HDAC9: variants seen among roughly 807,000 people sequenced by gnomAD.
HDAC9 encodes MEF-2 interacting transcription repressor (MITR) protein.
Under a neutral mutation model 139.4 loss-of-function variants are expected in HDAC9, and 41 were observed. The observed-to-expected ratio is 0.29, with a 90% confidence interval of 0.23 to 0.38. The LOEUF is 0.38. Ranked by LOEUF, HDAC9 falls within the 10% of genes least tolerant of loss-of-function variation. The pLI is 1.00. For synonymous variants in HDAC9, 517 were observed against 476.2 expected (o/e 1.09, Z -1.12); for missense variants, 1,147 against 1,297.0 (o/e 0.88, Z 1.78).
chr7:18,333,457 G>C (rs1781355981), intron 1 of HDAC9, among the ~76,000 whole-genome samples: 1 of 151,462 alleles, frequency 6.6e-6, no homozygotes, highest in Non-Finnish European at 1.5e-5. Flanking sequence ...ATGTTCATCT[G>C]CTTCACTATA....
chr7:18,181,778 G>T (rs576796128), intron 2 of HDAC9, among the ~76,000 whole-genome samples: 1 of 152,172 alleles, frequency 6.6e-6, no homozygotes, highest in East Asian at 1.9e-4. Context: ...CTTATTAGCA[G>T]ATTCTTACAT....
At chr7:18,298,505 A>T (rs955570107) in intron 1 of HDAC9, among the ~76,000 whole-genome samples, 1 of 152,142 alleles carries the variant, frequency 6.6e-6, no homozygotes, top group East Asian at 1.9e-4. Flanking sequence ...TCATTGTTCA[A>T]TTCCCACCTA....
intron 17 of HDAC9, among the ~76,000 whole-genome samples, chr7:18,801,865 G>A (rs6952549): frequency 0.013 from 1,927 of 151,902 alleles, 38 homozygotes; most frequent in African/African-American, 0.044. Flanking sequence ...ATATGAATCC[G>A]TTCATAATAT....
At chr7:18,284,302 A>G (rs1372092474) in intron 2 of HDAC9, among the ~76,000 whole-genome samples, 4 of 152,144 alleles carry the variant, frequency 2.6e-5, no homozygotes, top group South Asian at 4.1e-4. Flanking sequence ...ATATTTTTTC[A>G]TCAAACATTA....
intron 23 of HDAC9, among the ~76,000 whole-genome samples, chr7:18,951,195 A>C (rs951654127): frequency 6.6e-6 from 1 of 152,040 alleles, no homozygotes; most frequent in African/African-American, 2.4e-5. Context: ...TAAGATGATA[A>C]TGGCCACAAT....
intron 24 of HDAC9, among the ~76,000 whole-genome samples, chr7:18,967,807 CAT>C (rs1292382106): frequency 3.9e-5 from 6 of 152,044 alleles, no homozygotes; most frequent in African/African-American, 1.4e-4. Context: ...TTTACATAAA[CAT>C]AGAGTAAATA....
intron 1 of HDAC9, among the ~76,000 whole-genome samples, chr7:18,156,326 G>A (rs923428643): frequency 2.0e-5 from 3 of 152,198 alleles, no homozygotes; most frequent in Admixed American, 6.5e-5. Context: ...TCATGGGCAA[G>A]GTCTGGGGAT....
At chr7:18,499,415 T>G (rs1167521671) in intron 2 of HDAC9, among the ~76,000 whole-genome samples, 1 of 152,130 alleles carries the variant, frequency 6.6e-6, no homozygotes, top group East Asian at 1.9e-4. Flanking sequence ...TCTATAATAT[T>G]GTACTAATAT....
At chr7:18,845,091 A>T (rs1231104939) in intron 21 of HDAC9, among the ~76,000 whole-genome samples, 1 of 152,182 alleles carries the variant, frequency 6.6e-6, no homozygotes, top group Admixed American at 6.6e-5. Context: ...AGAAGAACTG[A>T]AGTCTGCCAA....
At chr7:18,720,398 C>T (rs190819562) in intron 12 of HDAC9, among the ~76,000 whole-genome samples, 3 of 150,440 alleles carry the variant, frequency 2.0e-5, no homozygotes, top group African/African-American at 7.3e-5. Context: ...ATATTAAGTT[C>T]CCAATTTATA....
chr7:18,542,622 A>G (rs1813384789), intron 2 of HDAC9, among the ~76,000 whole-genome samples: 1 of 152,184 alleles, frequency 6.6e-6, no homozygotes, highest in Non-Finnish European at 1.5e-5. Flanking sequence ...TAATCAAGAA[A>G]ACACAAAATA....
chr7:18,757,297 T>C (rs1788963785), intron 14 of HDAC9, among the ~76,000 whole-genome samples: 1 of 152,158 alleles, frequency 6.6e-6, no homozygotes, highest in African/African-American at 2.4e-5. Context: ...ATGAAATATT[T>C]TCAGAAAATG....
chr7:18,536,942 T>A (rs773387114), intron 2 of HDAC9, among the ~76,000 whole-genome samples: 3 of 152,180 alleles, frequency 2.0e-5, no homozygotes, highest in Non-Finnish European at 4.4e-5. Context: ...ACTATGTGTA[T>A]ATCTGTGTGT....
chr7:18,727,514 T>A lies in HDAC9; in HGVS notation c.1732-66T>A, dbSNP rs1340208134. On this transcript the variant is annotated intron_variant, in intron 12 of 25. Transcript: ENST00000686413. The stretch of plus-strand genomic sequence containing the variant: ...CTGATGAACTTAATTTGTTGACATG[T>A]CGCTCAGTGTCTCCCTCAATCCTTG... 1.6e-5 allele frequency: 21 copies of A among 1,328,026 alleles called. No homozygotes were observed. In the East Asian group the frequency reaches 1.9e-4, roughly 12 times the overall value. 82.3% of individuals were successfully genotyped at this position (1,328,026 alleles called of 1,614,324 possible).
chr7:18,967,375 T>C (rs976514860), intron 24 of HDAC9, among the ~76,000 whole-genome samples: 1 of 152,176 alleles, frequency 6.6e-6, no homozygotes, highest in Non-Finnish European at 1.5e-5. Context: ...TTAGTATCAT[T>C]TCTTGCTAAT....
intron 12 of HDAC9, among the ~76,000 whole-genome samples, chr7:18,677,402 G>A (rs531460678): frequency 6.6e-6 from 1 of 151,868 alleles, no homozygotes; most frequent in African/African-American, 2.4e-5. Flanking sequence ...TGGAAATGTA[G>A]GTTATTTTCA....
chr7:18,994,284 T>C (rs766991514), intron 25 of HDAC9, among the ~76,000 whole-genome samples: 1 of 152,252 alleles, frequency 6.6e-6, no homozygotes, highest in Non-Finnish European at 1.5e-5. Context: ...GTTTGAGTTC[T>C]ATAACTGTAT....
chr7:18,485,872 C>T (rs1279414669), intron 1 of HDAC9, among the ~76,000 whole-genome samples: 2 of 152,136 alleles, frequency 1.3e-5, no homozygotes, highest in African/African-American at 2.4e-5. Context: ...ATCCAGGCCT[C>T]TTATCCATAC....
At chr7:18,381,643 G>T (rs1326250845) in intron 1 of HDAC9, among the ~76,000 whole-genome samples, 1 of 151,990 alleles carries the variant, frequency 6.6e-6, no homozygotes, top group East Asian at 1.9e-4. Flanking sequence ...TATTCATTCA[G>T]TACTCAAATT....
Sources: gnomAD v4.1 joint callset for allele counts (sites outside exome capture counted in the v4.1 genomes callset) on GRCh38, gnomAD v4.1.1 for gene constraint, MANE v1.5 for transcripts, NCBI Gene and HGNC (gene_info 2026-07-23, HGNC 2026-07-21) for gene names.